The following PARD6B variants were observed in gnomAD, a reference collection of about 807,000 sequenced individuals.
PARD6B encodes par-6 family cell polarity regulator beta, also known as partitioning defective 6 homolog beta.
In PARD6B, 4 loss-of-function variants were observed where a neutral mutation model predicts 10.5. That is an observed-to-expected ratio of 0.38 (90% CI 0.19 to 0.87). PARD6B has a LOEUF of 0.87. Among genes scored for constraint, PARD6B ranks in the 40% least tolerant of loss-of-function variants. The probability of loss-of-function intolerance (pLI) is 0.41; values close to 1 mark genes in which losing one functional copy is unlikely to be tolerated. For synonymous variants in PARD6B, 169 were observed against 170.4 expected (o/e 0.99, Z 0.07); for missense variants, 396 against 470.6 (o/e 0.84, Z 1.47).
At chr20:50,741,797 C>G (rs555425653) in intron 2 of PARD6B, among the ~76,000 whole-genome samples, 62 of 152,160 alleles carry the variant, frequency 4.1e-4, no homozygotes, top group Admixed American at 2.0e-3. Context: ...CCGCCCGTCT[C>G]GGCCTCCCAA....
chr20:50,733,451 A>G (rs1307296196), intron 1 of PARD6B, among the ~76,000 whole-genome samples: 3 of 151,694 alleles, frequency 2.0e-5, no homozygotes, highest in African/African-American at 7.3e-5. Flanking sequence ...CAAAAACAAA[A>G]ACGGCTTGGC....
chr20:50,731,736 C>G lies in PARD6B; in HGVS notation c.-51C>G. 1 of 1,419,272 alleles carries G rather than the reference C, an allele frequency of 7.0e-7. No homozygotes were observed. Among genetic ancestry groups the G allele is most frequent in the African/African-American group, 1.5e-5 (1 of 66,826 alleles). The allele number at this position is 1,419,272 out of a possible 1,614,324, so 87.9% of individuals were successfully genotyped here. A position where few individuals can be genotyped will look rare whatever the true frequency, so the allele number is the denominator to read the frequency against. ...CAGTCGCGCACTCGCTCCCCGCGCTCCTGAGGGGCCGCCCGGCCGGAGGAG... is the reference window on the plus strand; with the variant it reads ...CAGTCGCGCACTCGCTCCCCGCGCTGCTGAGGGGCCGCCCGGCCGGAGGAG... On this transcript the variant is annotated 5_prime_UTR_variant, in exon 1 of 3. Coordinates refer to ENST00000371610, the MANE Select transcript of PARD6B (RefSeq NM_032521.3).
rs781708601 is a variant in PARD6B, at chr20:50,750,376, C to T, written c.1007C>T (p.Pro336Leu). ...SFESGQNGFI[P>L]SNEVSLAAIA... ...GAGTCTGGACAGAATGGCTTTATTC[C>T]CTCTAATGAAGTGAGCTTAGCAGCC... Residue 336 changes from proline to leucine, a missense_variant, in exon 3 of 3, where the codon CCC becomes CTC. Coordinates refer to ENST00000371610, the MANE Select transcript of PARD6B (RefSeq NM_032521.3). 6 of 1,614,156 alleles carry T rather than the reference C, an allele frequency of 3.7e-6. No individual in the cohort carries two copies. The East Asian group carries it at 1.1e-4, about 30-fold the overall frequency.
intron 2 of PARD6B, among the ~76,000 whole-genome samples, chr20:50,743,337 C>T (rs574772342): frequency 1.5e-4 from 23 of 152,290 alleles, no homozygotes; most frequent in East Asian, 1.2e-3. Flanking sequence ...TTTACCTCTT[C>T]GATTTATTCT....
intron 2 of PARD6B, among the ~76,000 whole-genome samples, chr20:50,748,731 C>T (rs1197352168): frequency 2.6e-5 from 4 of 152,220 alleles, no homozygotes; most frequent in Admixed American, 1.3e-4. Flanking sequence ...CAGGGTCTCA[C>T]GCTGTTGCCC....
chr20:50,743,385 C>T (rs2087541737), intron 2 of PARD6B, among the ~76,000 whole-genome samples: 1 of 152,182 alleles, frequency 6.6e-6, no homozygotes, highest in Non-Finnish European at 1.5e-5. Context: ...TTGCTTTAAA[C>T]TTTGTCTCTC....
chr20:50,734,661 G>T (rs1421920451), intron 1 of PARD6B, among the ~76,000 whole-genome samples: 1 of 151,860 alleles, frequency 6.6e-6, no homozygotes, highest in East Asian at 1.9e-4. Context: ...CACCTAGCTG[G>T]TCCATTTTTC....
At chr20:50,741,157 C>T (rs946558241) in intron 2 of PARD6B, among the ~76,000 whole-genome samples, 1 of 151,996 alleles carries the variant, frequency 6.6e-6, no homozygotes, top group African/African-American at 2.4e-5. Flanking sequence ...GATGGGGTGT[C>T]ACCATGTTGG....
At chr20:50,746,731 A>C (rs2087569524) in intron 2 of PARD6B, among the ~76,000 whole-genome samples, 1 of 152,206 alleles carries the variant, frequency 6.6e-6, no homozygotes, top group African/African-American at 2.4e-5. Flanking sequence ...GTGATGCCAA[A>C]TTATGCAGAT....
At chr20:50,735,718 C>T (rs1172039697) in intron 1 of PARD6B, among the ~76,000 whole-genome samples, 2 of 152,110 alleles carry the variant, frequency 1.3e-5, no homozygotes, top group South Asian at 2.1e-4. Flanking sequence ...ACCATGAAGC[C>T]ATACAATTTT....
intron 1 of PARD6B, among the ~76,000 whole-genome samples, chr20:50,732,146 A>G (rs1409627955): frequency 2.0e-5 from 3 of 152,222 alleles, no homozygotes; most frequent in Non-Finnish European, 2.9e-5. Flanking sequence ...AGGTATATCC[A>G]AGGATGGCGC....
chr20:50,734,640 G>A (rs1401909370), intron 1 of PARD6B, among the ~76,000 whole-genome samples: 3 of 152,012 alleles, frequency 2.0e-5, no homozygotes, highest in South Asian at 2.1e-4. Flanking sequence ...GACTACAGGC[G>A]TGAGCCACTG....
chr20:50,753,075 C>CTCT lies in PARD6B; in HGVS notation c.*2588_*2589insCTT, dbSNP rs34049117. On this transcript the variant is annotated 3_prime_UTR_variant, in exon 3 of 3. Coordinates refer to ENST00000371610, the MANE Select transcript of PARD6B (RefSeq NM_032521.3). ...AAATATTTTTACACACTACCTCTCT[C>CTCT]TTTTTTTTTTTAAAGTTTTAACATC... 8,155 of 738,816 alleles carry CTCT rather than the reference C, an allele frequency of 0.011. 299 individuals carry two copies. In the African/African-American group the frequency reaches 0.14, roughly 13 times the overall value. The allele number at this position is 738,816 out of a possible 1,614,324, so 45.8% of individuals were successfully genotyped here. A position where few individuals can be genotyped will look rare whatever the true frequency, so the allele number is the denominator to read the frequency against.
chr20:50,747,128 A>G (rs1429132482), intron 2 of PARD6B, among the ~76,000 whole-genome samples: 1 of 152,222 alleles, frequency 6.6e-6, no homozygotes, highest in Non-Finnish European at 1.5e-5. Flanking sequence ...TTCACGCAGC[A>G]TCAGAAAAGA....
intron 2 of PARD6B, among the ~76,000 whole-genome samples, chr20:50,747,489 C>CTCTT (rs2087574649): frequency 3.0e-5 from 1 of 33,354 alleles, no homozygotes; most frequent in Non-Finnish European, 5.1e-5. Context: ...TTCTTTCTTT[C>CTCTT]TTTTTTTTTT....
intron 2 of PARD6B, 147 bp from the exon 3 acceptor site, chr20:50,749,512 G>T: frequency 1.4e-6 from 1 of 702,092 alleles, no homozygotes; most frequent in Non-Finnish European, 2.2e-6. Context: ...TACTGTACTA[G>T]ATTATGATCT....
At chr20:50,748,844 G>A (rs1417496919) in intron 2 of PARD6B, among the ~76,000 whole-genome samples, 16 of 152,080 alleles carry the variant, frequency 1.1e-4, no homozygotes, top group Non-Finnish European at 1.9e-4. Flanking sequence ...TTTTAAACAA[G>A]TGAAGGAAAA....
At chr20:50,732,020 G>A (rs534365116) in intron 1 of PARD6B, among the ~76,000 whole-genome samples, 168 bp downstream of exon 1, 13 of 152,310 alleles carry the variant, frequency 8.5e-5, no homozygotes, top group African/African-American at 3.1e-4. Flanking sequence ...AGGGGGTGGC[G>A]GGGGTCAGGG....
At chr20:50,742,657 C>T (rs541839925) in intron 2 of PARD6B, among the ~76,000 whole-genome samples, 13 of 151,908 alleles carry the variant, frequency 8.6e-5, no homozygotes, top group East Asian at 1.9e-4. Flanking sequence ...TGAGCCACTG[C>T]GCCTGGCCCC....
Sources: gnomAD v4.1 joint callset for allele counts (sites outside exome capture counted in the v4.1 genomes callset) on GRCh38, gnomAD v4.1.1 for gene constraint, MANE v1.5 for transcripts, NCBI Gene and HGNC (gene_info 2026-07-23, HGNC 2026-07-21) for gene names.